Variants in LPIN1 observed in about 807,000 individuals in gnomAD.
The protein encoded by LPIN1 is lipin 1, also known as phosphatidate phosphatase LPIN1.
A neutral mutation model predicts 107.5 loss-of-function variants in LPIN1; 71 were observed. That is an observed-to-expected ratio of 0.66 (90% CI 0.55 to 0.80). The LOEUF is 0.80. LPIN1 is among the 30% of genes least tolerant of loss of function. LPIN1 has a pLI of 0.00. For synonymous variants in LPIN1, 445 were observed against 452.6 expected (o/e 0.98, Z 0.21); for missense variants, 1,043 against 1,160.6 (o/e 0.90, Z 1.47).
intron 14 of LPIN1, among the ~76,000 whole-genome samples, chr2:11,800,759 G>A (rs1677574087): frequency 6.6e-6 from 1 of 152,094 alleles, no homozygotes; most frequent in African/African-American, 2.4e-5. Context: ...AGTTTATTGA[G>A]ATAAAAAGAT....
chr2:11,771,665 G>T lies in LPIN1; in HGVS notation c.582G>T (p.Leu194=). ...TGAGCTCGGATGAGGCCATGGAGCT[G>T]CTGGAGAGCAGCAGGTAATAACTGT... The part of the protein sequence containing the change: ...IEMSSDEAME[L]LESSRTLPND... Residue 194 remains leucine (L), a synonymous_variant, in exon 4 of 21, where the codon CTG becomes CTT. Coordinates refer to ENST00000674199, the MANE Select transcript of LPIN1 (RefSeq NM_001349206.2). The surrounding 1 kb of genome is among the most constrained non-coding windows in gnomAD (Gnocchi z 4.8). 1 of 1,592,394 alleles carries T rather than the reference G, an allele frequency of 6.3e-7. No individual in the cohort carries two copies. The highest frequency in any genetic ancestry group is 8.5e-7 in the Non-Finnish European group (1 of 1,169,674).
intron 17 of LPIN1, among the ~76,000 whole-genome samples, chr2:11,812,090 C>T (rs1324038281): frequency 6.6e-6 from 1 of 152,212 alleles, no homozygotes; most frequent in East Asian, 1.9e-4. Context: ...TTAAAACTTT[C>T]TCATTTCTTA....
At chr2:11,695,146 C>A (rs7581186) in intron 1 of LPIN1, among the ~76,000 whole-genome samples, 19,866 of 152,164 alleles carry the variant, frequency 0.13, 3,838 homozygotes, top group African/African-American at 0.43. Context: ...AACAAATCTG[C>A]CAAATATAAT....
At chr2:11,684,611 T>C (rs1378941768) in intron 1 of LPIN1, among the ~76,000 whole-genome samples, 1 of 152,220 alleles carries the variant, frequency 6.6e-6, no homozygotes, top group African/African-American at 2.4e-5. Context: ...GATATGTTCA[T>C]GTGACTTGGC....
rs913897829 is a variant in LPIN1, at chr2:11,815,147, G to A, written c.2309G>A (p.Arg770Gln). The A allele has an allele frequency of 8.7e-6, 14 of 1,614,090 alleles. No individual in the cohort carries two copies. Among genetic ancestry groups the A allele is most frequent in the African/African-American group, 8.0e-5 (6 of 75,018 alleles). The change falls in exon 18 of 21, where the codon CGG (arginine) becomes CAG (glutamine). Residue 770 changes from arginine to glutamine, a missense_variant. By Grantham distance (43) the Arg-to-Gln change is conservative. Transcript: ENST00000674199. ...ARAIGMADMT[R>Q]GYLHWVNERG... ...GCCATCGGGATGGCGGACATGACGC[G>A]GGGCTACCTGCACTGGGTCAACGAG... is the stretch of plus-strand genomic sequence containing the variant.
At chr2:11,772,785 AATTTTT>A (rs1279251841) in intron 4 of LPIN1, among the ~76,000 whole-genome samples, 5 of 152,220 alleles carry the variant, frequency 3.3e-5, no homozygotes, top group African/African-American at 1.2e-4. Context: ...AATTCGGTAT[AATTTTT>A]GATAATTTTG....
intron 2 of LPIN1, among the ~76,000 whole-genome samples, chr2:11,716,194 C>T (rs1228643407): frequency 6.6e-6 from 1 of 152,062 alleles, no homozygotes; most frequent in Non-Finnish European, 1.5e-5. Flanking sequence ...CGCTGGAGGG[C>T]GCATGGCATG....
chr2:11,774,228 A>G lies in LPIN1; in HGVS notation c.722+483A>G, dbSNP rs564159912. ...GTTGCCCTAGAGGAAAACTTGGAGA[A>G]CTAGAGCTGCTCACTGTGCAGATGC... On this transcript the variant is annotated intron_variant, in intron 5 of 20. Coordinates refer to ENST00000674199, the MANE Select transcript of LPIN1 (RefSeq NM_001349206.2). This position sits in a 1 kb window ranked among gnomAD's most constrained non-coding sequence, Gnocchi z 4.4. Among the ~76,000 whole-genome samples the G allele has an allele frequency of 1.3e-5, 2 of 152,368 alleles. No homozygotes were observed. The highest frequency in any genetic ancestry group is 1.3e-4 in the Admixed American group (2 of 15,304).
intron 20 of LPIN1, among the ~76,000 whole-genome samples, chr2:11,823,914 G>A (rs955344000): frequency 2.6e-5 from 4 of 152,162 alleles, no homozygotes; most frequent in Admixed American, 1.3e-4. Context: ...AATTGTCCAA[G>A]GTTACAGCAA....
intron 11 of LPIN1, among the ~76,000 whole-genome samples, chr2:11,787,775 A>G (rs944081209): frequency 1.3e-5 from 2 of 151,792 alleles, no homozygotes; most frequent in African/African-American, 4.8e-5. Context: ...CCCCGTCTCT[A>G]CTAAAGATAC....
rs780874840 is a variant in LPIN1 at position 11,713,813 on chromosome 2, G to T, written c.138+1G>T. The T allele has an allele frequency of 2.6e-6, 4 of 1,513,654 alleles. No homozygotes were observed. Among genetic ancestry groups the T allele is most frequent in the Non-Finnish European group, 3.5e-6 (4 of 1,127,122 alleles). 93.8% of individuals were successfully genotyped at this position (1,513,654 alleles called of 1,614,324 possible). A position where few individuals can be genotyped will look rare whatever the true frequency, so the allele number is the denominator to read the frequency against. On this transcript the variant is annotated splice_donor_variant, in intron 2 of 21. Transcript: ENST00000449576. LOFTEE classifies it high-confidence loss of function. The stretch of plus-strand genomic sequence containing the variant: ...AAATGTATGGTCTTCAAACATTAAC[G>T]TGAGTGCCGCTGTGATAGAATGTCG...
At chr2:11,755,132 A>G (rs1341593491) in intron 1 of LPIN1, among the ~76,000 whole-genome samples, 1 of 151,746 alleles carries the variant, frequency 6.6e-6, no homozygotes, top group Non-Finnish European at 1.5e-5. Context: ...TGCCCGGCTA[A>G]TCTTTTTTGT....
chr2:11,820,553 T>G, intron 20 of LPIN1, 39 bp downstream of exon 20: 1 of 1,429,094 alleles, frequency 7.0e-7, no homozygotes, highest in Non-Finnish European at 9.9e-7. Context: ...ATGATATCAG[T>G]ACTATTATCT....
At chr2:11,692,902 C>T (rs989742469) in intron 1 of LPIN1, among the ~76,000 whole-genome samples, 1 of 152,162 alleles carries the variant, frequency 6.6e-6, no homozygotes, top group Non-Finnish European at 1.5e-5. Context: ...TGGCTCTGCC[C>T]CTGAGATCTT....
chr2:11,693,579 A>C (rs1296649661), intron 1 of LPIN1, among the ~76,000 whole-genome samples: 1 of 151,672 alleles, frequency 6.6e-6, no homozygotes, highest in African/African-American at 2.4e-5. Context: ...TTATATCTGA[A>C]ACTATCCCTA....
At chr2:11,686,456 C>A (rs1662006807) in intron 1 of LPIN1, among the ~76,000 whole-genome samples, 1 of 152,122 alleles carries the variant, frequency 6.6e-6, no homozygotes, top group Admixed American at 6.5e-5. Context: ...TGGACGGACT[C>A]CGGGAAAGAT....
chr2:11,720,737 A>T (rs1236334361), upstream of LPIN1, among the ~76,000 whole-genome samples: 2 of 151,994 alleles, frequency 1.3e-5, no homozygotes, highest in Admixed American at 6.6e-5. Context: ...ATGTGGTCAG[A>T]TGTTGGATGC....
At position 11,791,907 on chromosome 2, in the gene LPIN1, A is replaced by G. The variant is rs747775430; in HGVS notation, c.1714-7A>G. 1 of 1,613,420 alleles carries G rather than the reference A, an allele frequency of 6.2e-7. No individual in the cohort carries two copies. The highest frequency in any genetic ancestry group is 1.1e-5 in the South Asian group (1 of 91,018). ...CCATTATTTATGTTACCATCCATTT[A>G]AAACAGGCCACTGTGGAATCTATCA... is the stretch of plus-strand genomic sequence containing the variant. On this transcript the variant is annotated splice_region_variant and splice_polypyrimidine_tract_variant and intron_variant, in intron 12 of 20. Transcript: ENST00000674199.
intron 1 of LPIN1, among the ~76,000 whole-genome samples, chr2:11,708,277 T>C (rs1187806760): frequency 2.6e-5 from 4 of 152,178 alleles, no homozygotes; most frequent in Non-Finnish European, 5.9e-5. Context: ...TTTGGAATGC[T>C]GAGTCAGCAC....
Sources: gnomAD v4.1 joint callset for allele counts (sites outside exome capture counted in the v4.1 genomes callset) on GRCh38, gnomAD v4.1.1 for gene constraint, Gnocchi (gnomAD v3.1) non-coding constraint, MANE v1.5 for transcripts, NCBI Gene and HGNC (gene_info 2026-07-23, HGNC 2026-07-21) for gene names.